USH2A: variants seen among roughly 807,000 people sequenced by gnomAD.
USH2A encodes the protein Usher syndrome 2A (autosomal recessive, mild).
USH2A carries 443 observed loss-of-function variants against 538.9 expected under a neutral mutation model. The ratio of observed to expected loss-of-function variants is 0.82; its 90% CI spans 0.76 to 0.89. The LOEUF is 0.89. Ranked by LOEUF, USH2A falls within the 40% of genes least tolerant of loss-of-function variation. The pLI is 0.00. For missense variants in USH2A, 6,633 were observed against 6,324.8 expected, an observed-to-expected ratio of 1.05 and a Z score of -1.65; for synonymous variants, 2,413 against 2,273.5, an observed-to-expected ratio of 1.06 and a Z score of -1.75.
intron 65 of USH2A, 62 bp from the exon 66 acceptor site, chr1:215,648,828 T>C: frequency 6.7e-7 from 1 of 1,487,498 alleles, no homozygotes; most frequent in East Asian, 2.3e-5. Context: ...TTGATGAATG[T>C]TATCCAAGAT....
intron 3 of USH2A, among the ~76,000 whole-genome samples, chr1:216,383,622 T>C (rs181917146): frequency 2.0e-5 from 3 of 152,164 alleles, no homozygotes; most frequent in Non-Finnish European, 4.4e-5. Context: ...GGAGTTAACA[T>C]AGGATTGTAT....
At chr1:215,662,148 T>A (rs1017095971) in intron 64 of USH2A, among the ~76,000 whole-genome samples, 2 of 152,146 alleles carry the variant, frequency 1.3e-5, no homozygotes, top group African/African-American at 2.4e-5. Flanking sequence ...GTAAAACACA[T>A]CTTACCCTTT....
rs532037445 is a variant in USH2A at position 215,809,575 on chromosome 1, G to C, written c.9739+4161C>G. 1.1e-4 allele frequency among the ~76,000 whole-genome samples: 17 copies of C among 151,992 alleles called. No individual in the cohort carries two copies. The South Asian group carries it at 3.5e-3, about 32-fold the overall frequency. On this transcript the variant is annotated intron_variant, in intron 49 of 71. Transcript: ENST00000307340. ...CACCTTCTCATTAACCTCTCAAAAT[G>C]AATCTATTTCAGGCCAGGCTTGAAA... is the stretch of plus-strand genomic sequence containing the variant.
chr1:216,223,461 A>T (rs749281607), intron 14 of USH2A, among the ~76,000 whole-genome samples: 34 of 152,166 alleles, frequency 2.2e-4, no homozygotes, highest in Non-Finnish European at 4.3e-4. Context: ...TCTACTCATC[A>T]AAAGGAGAGT....
chr1:216,286,736 T>C (rs1275134911), intron 11 of USH2A, among the ~76,000 whole-genome samples: 1 of 151,600 alleles, frequency 6.6e-6, no homozygotes, highest in Non-Finnish European at 1.5e-5. Flanking sequence ...AATAAATAAA[T>C]AAATAAATAA....
intron 47 of USH2A, among the ~76,000 whole-genome samples, chr1:215,820,766 G>A (rs1376051968): frequency 6.6e-6 from 1 of 151,500 alleles, no homozygotes; most frequent in Non-Finnish European, 1.5e-5. Flanking sequence ...CAGGCCTCTG[G>A]TAATCACCAA....
At chr1:216,013,495 C>T (rs1174380835) in intron 32 of USH2A, among the ~76,000 whole-genome samples, 1 of 151,988 alleles carries the variant, frequency 6.6e-6, no homozygotes, top group Non-Finnish European at 1.5e-5. Flanking sequence ...CCATCATATC[C>T]CCTGTGACCT....
chr1:216,095,431 T>A (rs967736907), intron 22 of USH2A, among the ~76,000 whole-genome samples: 15 of 152,294 alleles, frequency 9.8e-5, no homozygotes, highest in African/African-American at 1.9e-4. Context: ...TTTTTAAAAA[T>A]TTTTTTCAGT....
intron 30 of USH2A, among the ~76,000 whole-genome samples, chr1:216,066,475 GTAA>G (rs369884149): frequency 0.016 from 2,456 of 151,306 alleles, 59 homozygotes; most frequent in African/African-American, 0.054. Context: ...AATAATAATA[GTAA>G]TAATAATAAT....
At chr1:216,076,586 C>A (rs1249404736) in intron 27 of USH2A, among the ~76,000 whole-genome samples, 1 of 151,796 alleles carries the variant, frequency 6.6e-6, no homozygotes, top group African/African-American at 2.4e-5. Context: ...TTTTCAAGTT[C>A]TTTCTAACCT....
chr1:215,820,542 C>T (rs4268329), intron 47 of USH2A, among the ~76,000 whole-genome samples: 101,416 of 151,584 alleles, frequency 0.67, 34,608 homozygotes, highest in African/African-American at 0.79. Flanking sequence ...ATCAATGTAA[C>T]TGGCATATCC....
chr1:216,059,314 T>G (rs1002599423), intron 30 of USH2A, among the ~76,000 whole-genome samples: 1 of 152,188 alleles, frequency 6.6e-6, no homozygotes, highest in Non-Finnish European at 1.5e-5. Context: ...ACTCTTTATA[T>G]GGCCCATAAA....
chr1:215,745,390 T>C (rs966805974), intron 58 of USH2A, among the ~76,000 whole-genome samples: 1 of 151,934 alleles, frequency 6.6e-6, no homozygotes, highest in Admixed American at 6.6e-5. Context: ...AGTTTGAAAG[T>C]CTTACAATGT....
chr1:216,126,575 T>C (rs2033258698), intron 21 of USH2A, among the ~76,000 whole-genome samples: 1 of 152,128 alleles, frequency 6.6e-6, no homozygotes. Flanking sequence ...TCAATCTCTA[T>C]TCTTTATAAT....
rs1558081905 is a variant in USH2A, at chr1:216,421,752, TA to T, written c.485+99del. 1.9e-6 allele frequency: 3 copies of T among 1,576,698 alleles called. No individual in the cohort carries two copies. In the East Asian group the frequency reaches 6.7e-5, roughly 35 times the overall value. The stretch of plus-strand genomic sequence containing the variant: ...AGTTAGTCTTCAATACCATGAATTC[TA>T]TATAGCCTTCACTTCCGGTTTGGAA... On this transcript the variant is annotated intron_variant, in intron 2 of 71. Coordinates refer to ENST00000307340, the MANE Select transcript of USH2A (RefSeq NM_206933.4).
chr1:216,093,415 C>T (rs1413583459), intron 22 of USH2A, among the ~76,000 whole-genome samples: 5 of 149,672 alleles, frequency 3.3e-5, no homozygotes, highest in East Asian at 1.9e-4. Context: ...GGTAAGGGGG[C>T]GGAAATGATG....
chr1:215,941,431 GT>G (rs1666629970), intron 37 of USH2A, among the ~76,000 whole-genome samples: 1 of 151,898 alleles, frequency 6.6e-6, no homozygotes, highest in Non-Finnish European at 1.5e-5. Context: ...AAATGTCAGG[GT>G]TTTTTTCCAC....
intron 40 of USH2A, among the ~76,000 whole-genome samples, chr1:215,896,481 T>G (rs1665344576): frequency 6.6e-6 from 1 of 152,222 alleles, no homozygotes; most frequent in Non-Finnish European, 1.5e-5. Flanking sequence ...CTAACTTTTT[T>G]GGGCTGGGGA....
intron 21 of USH2A, among the ~76,000 whole-genome samples, chr1:216,115,027 T>C (rs575343227): frequency 6.6e-6 from 1 of 152,178 alleles, no homozygotes; most frequent in Non-Finnish European, 1.5e-5. Context: ...GCTCTATCTA[T>C]GTAGATATAG....
Sources: allele counts gnomAD v4.1 joint callset (sites outside exome capture counted in the v4.1 genomes callset), GRCh38; gene constraint gnomAD v4.1.1; transcripts MANE v1.5; gene names NCBI Gene and HGNC (gene_info 2026-07-23, HGNC 2026-07-21).